Variants in FOLH1 observed in about 807,000 individuals in gnomAD.
The protein encoded by FOLH1 is folate hydrolase 1.
In FOLH1, 54 loss-of-function variants were observed where a neutral mutation model predicts 93.9. The observed-to-expected ratio is 0.57, with a 90% confidence interval of 0.46 to 0.72. The LOEUF (loss-of-function observed/expected upper bound fraction) is 0.72. Ranked by LOEUF, FOLH1 falls within the 30% of genes least tolerant of loss-of-function variation. The pLI is 0.00. For missense variants in FOLH1, 571 were observed against 892.5 expected (o/e 0.64, Z 4.59); for synonymous variants, 249 against 303.6 (o/e 0.82, Z 1.87).
rs995729135 is a variant in FOLH1 at position 49,148,692 on chromosome 11, A to G, written c.2010T>C (p.Phe670=). Residue 670 remains phenylalanine (F), a synonymous_variant, in exon 18 of 19, where the codon TTT becomes TTC. Coordinates refer to ENST00000256999, the MANE Select transcript of FOLH1 (RefSeq NM_004476.3). ...ATGGATCAATAAATGCTCTTTCCAGAAACATGAGTTGATCATTCATCATTC... is the reference window on the plus strand; with the variant it reads ...ATGGATCAATAAATGCTCTTTCCAGGAACATGAGTTGATCATTCATCATTC... ...VLRMMNDQLM[F]LERAFIDPLG... is the part of the protein sequence containing the mutation. 3 of 1,606,544 alleles carry G rather than the reference A, an allele frequency of 1.9e-6. No homozygotes were observed. The highest frequency in any genetic ancestry group is 2.7e-5 in the African/African-American group (2 of 74,708).
chr11:49,187,753 C>A (rs1028170708), intron 4 of FOLH1, among the ~76,000 whole-genome samples: 1 of 152,232 alleles, frequency 6.6e-6, no homozygotes, highest in South Asian at 2.1e-4. Flanking sequence ...AGGCTCTCTG[C>A]AGACAATCTT....
intron 17 of FOLH1, among the ~76,000 whole-genome samples, chr11:49,150,196 G>T (rs1015617637): frequency 6.6e-6 from 1 of 152,106 alleles, no homozygotes; most frequent in Non-Finnish European, 1.5e-5. Context: ...TCGTAAATAA[G>T]TGGACCTGTG....
At chr11:49,164,673 T>C (rs756871468) in intron 13 of FOLH1, 32 bp downstream of exon 13, 2 of 1,432,216 alleles carry the variant, frequency 1.4e-6, no homozygotes, top group Non-Finnish European at 1.9e-6. Flanking sequence ...TTGTAGAATT[T>C]GGGTTTTCTT....
chr11:49,171,276 C>T lies in FOLH1; in HGVS notation c.1227G>A (p.Gly409=), dbSNP rs548160675. 5.7e-6 allele frequency: 9 copies of T among 1,572,648 alleles called. No homozygotes were observed. Among genetic ancestry groups the T allele is most frequent in the African/African-American group, 2.8e-5 (2 of 71,662 alleles). The change falls in exon 11 of 19, where the codon GGG becomes GGA. Residue 409 remains glycine, a splice_region_variant and synonymous_variant. Coordinates refer to ENST00000256999, the MANE Select transcript of FOLH1 (RefSeq NM_004476.3). ...ACAAAATTGTTCTTCTAGGTCTCCA[C>T]CCTAAAATGTATGTGTATATATAAA... The part of the protein sequence containing the change: ...VRSFGTLKKE[G]WRPRRTILFA...
chr11:49,192,741 A>G, intron 4 of FOLH1, 52 bp downstream of exon 4: 1 of 1,469,152 alleles, frequency 6.8e-7, no homozygotes, highest in Admixed American at 2.0e-5. Context: ...GAACATATGA[A>G]GAGAAGGAAG....
intron 12 of FOLH1, among the ~76,000 whole-genome samples, chr11:49,166,691 G>T (rs1292707878): frequency 6.6e-6 from 1 of 152,030 alleles, no homozygotes; most frequent in Non-Finnish European, 1.5e-5. Context: ...ATGATTATTT[G>T]TATTATTTGA....
intron 4 of FOLH1, among the ~76,000 whole-genome samples, chr11:49,188,414 G>A (rs1861652588): frequency 6.6e-6 from 1 of 151,372 alleles, no homozygotes; most frequent in South Asian, 2.1e-4. Flanking sequence ...CTCGGGGGCT[G>A]AGGTATGAGA....
intron 3 of FOLH1, among the ~76,000 whole-genome samples, chr11:49,196,139 G>A (rs1468144892): frequency 9.9e-5 from 15 of 152,126 alleles, no homozygotes. Context: ...GGGTGACAGA[G>A]TAAGACTCGG....
At chr11:49,179,909 T>C (rs563155943) in intron 7 of FOLH1, among the ~76,000 whole-genome samples, 5 of 152,340 alleles carry the variant, frequency 3.3e-5, no homozygotes, top group African/African-American at 9.6e-5. Flanking sequence ...CTTTACCTAA[T>C]TCCTACTTCT....
chr11:49,206,217 A>G (rs2135352112), intron 1 of FOLH1, 45 bp from the exon 2 acceptor site: 2 of 1,607,010 alleles, frequency 1.2e-6, no homozygotes. Flanking sequence ...GAGCCTATAG[A>G]TAGGACTTAT....
Position 49,191,709 on chromosome 11 carries a change from T to C in FOLH1, c.513+1084A>G, listed in dbSNP as rs567394388. Among the ~76,000 whole-genome samples, 133 of 145,392 alleles carry C rather than the reference T, an allele frequency of 9.1e-4. 1 individual carries two copies. The highest frequency in any genetic ancestry group is 2.1e-4 in the Non-Finnish European group (14 of 67,090). On this transcript the variant is annotated intron_variant, in intron 4 of 18. Transcript: ENST00000256999. The stretch of plus-strand genomic sequence containing the variant: ...CTGTTTTTTCTTTTGTTTTGTTTTG[T>C]TTTTCTAAGATGGAGTCTCGCTCTG...
At chr11:49,193,713 A>G (rs1862312420) in intron 3 of FOLH1, among the ~76,000 whole-genome samples, 1 of 152,210 alleles carries the variant, frequency 6.6e-6, no homozygotes, top group Non-Finnish European at 1.5e-5. Flanking sequence ...ATAAAATGAA[A>G]GCAAGAATCC....
chr11:49,184,604 A>T (rs1026180750), intron 6 of FOLH1, among the ~76,000 whole-genome samples: 5 of 152,162 alleles, frequency 3.3e-5, no homozygotes, highest in Non-Finnish European at 7.3e-5. Context: ...AAAAGAAAAA[A>T]ATCTCTGACA....
Position 49,183,154 on chromosome 11 carries a change from G to A in FOLH1, c.915C>T (p.Leu305=), listed in dbSNP as rs764872934. ...ATGGTTTCTTACAAACTTACTCTAG[G>A]AGCTTCTGTGCATCATAGTATCCAA... is the stretch of plus-strand genomic sequence containing the variant. The part of the protein sequence containing the change: ...HPIGYYDAQK[L]LEKMGGSAPP... The change falls in exon 7 of 19, where the codon CTC becomes CTT. Residue 305 remains leucine (L), a synonymous_variant. Transcript: ENST00000256999. 3 of 1,600,772 alleles carry A rather than the reference G, an allele frequency of 1.9e-6. No individual in the cohort carries two copies. In the African/African-American group the frequency reaches 4.0e-5, roughly 22 times the overall value.
At chr11:49,194,022 C>T (rs894250682) in intron 3 of FOLH1, among the ~76,000 whole-genome samples, 5 of 150,438 alleles carry the variant, frequency 3.3e-5, no homozygotes, top group African/African-American at 4.9e-5. Flanking sequence ...GCCGGGCCTA[C>T]GTGCTTGTAA....
intron 3 of FOLH1, among the ~76,000 whole-genome samples, chr11:49,196,513 A>T (rs1280758922): frequency 6.6e-6 from 1 of 152,220 alleles, no homozygotes; most frequent in Non-Finnish European, 1.5e-5. Flanking sequence ...TTGCAAAAAC[A>T]CAGACTAAAC....
chr11:49,164,876 C>A, intron 12 of FOLH1, 104 bp from the exon 13 acceptor site: 1 of 876,684 alleles, frequency 1.1e-6, no homozygotes, highest in South Asian at 1.6e-5. Flanking sequence ...GTTTTAAAAC[C>A]TGATTTCAAC....
intron 7 of FOLH1, among the ~76,000 whole-genome samples, chr11:49,180,076 A>G (rs1860543102): frequency 6.6e-6 from 1 of 152,204 alleles, no homozygotes; most frequent in Non-Finnish European, 1.5e-5. Context: ...TTGAGTAGAG[A>G]GTAAGTAGTG....
chr11:49,167,435 A>G (rs1165481474), intron 12 of FOLH1, among the ~76,000 whole-genome samples: 1 of 152,218 alleles, frequency 6.6e-6, no homozygotes, highest in Non-Finnish European at 1.5e-5. Context: ...GCTCTTAGCC[A>G]CTACCCTAAG....
Sources: allele counts gnomAD v4.1 joint callset (sites outside exome capture counted in the v4.1 genomes callset), GRCh38; gene constraint gnomAD v4.1.1; transcripts MANE v1.5; gene names NCBI Gene and HGNC (gene_info 2026-07-23, HGNC 2026-07-21).